Variants in TENM2 observed in about 807,000 individuals in gnomAD.
The protein encoded by TENM2 is teneurin-2.
A neutral mutation model predicts 245.2 loss-of-function variants in TENM2; 52 were observed. That is an observed-to-expected ratio of 0.21 (90% CI 0.17 to 0.27). TENM2 has a LOEUF of 0.27. Among genes scored for constraint, TENM2 ranks in the 10% least tolerant of loss-of-function variants. The pLI is 1.00. For missense variants in TENM2, 3,046 were observed against 3,666.8 expected (o/e 0.83, Z 4.37); for synonymous variants, 1,363 against 1,438.9 (o/e 0.95, Z 1.19).
chr5:167,388,050 T>C (rs1005770863), intron 2 of TENM2, among the ~76,000 whole-genome samples: 13 of 152,008 alleles, frequency 8.6e-5, no homozygotes, highest in Non-Finnish European at 1.8e-4. Flanking sequence ...TATAGGGAGG[T>C]TTCCCTCTTT....
intron 2 of TENM2, among the ~76,000 whole-genome samples, chr5:167,654,838 C>T (rs72821806): frequency 6.6e-6 from 1 of 152,022 alleles, no homozygotes; most frequent in Non-Finnish European, 1.5e-5. Context: ...AATTATACAA[C>T]TCATTATCTA....
upstream of TENM2, among the ~76,000 whole-genome samples, chr5:167,282,351 G>C (rs372864246): frequency 9.6e-4 from 146 of 152,176 alleles, 1 homozygote; most frequent in South Asian, 0.024. Flanking sequence ...TAAGAATTAG[G>C]ATTTATTATT....
the TENM2 span, among the ~76,000 whole-genome samples, chr5:167,269,624 T>C: frequency 6.7e-6 from 1 of 150,032 alleles, no homozygotes; most frequent in African/African-American, 2.5e-5. Flanking sequence ...CCTTTTTGGC[T>C]GGGGGATGGA....
intron 12 of TENM2, among the ~76,000 whole-genome samples, chr5:168,148,004 C>T (rs543636139): frequency 1.1e-4 from 16 of 152,240 alleles, no homozygotes; most frequent in East Asian, 3.9e-4. Flanking sequence ...GTTAGAGATG[C>T]GAGCATTCCA....
intron 1 of TENM2, among the ~76,000 whole-genome samples, chr5:167,358,079 C>T (rs2127255371): frequency 6.6e-6 from 1 of 152,336 alleles, no homozygotes; most frequent in East Asian, 1.9e-4. Flanking sequence ...TCTTTGATTC[C>T]TTCTCGCACA....
chr5:167,799,104 A>C (rs1461640155), intron 2 of TENM2, among the ~76,000 whole-genome samples: 1 of 152,160 alleles, frequency 6.6e-6, no homozygotes, highest in Non-Finnish European at 1.5e-5. Context: ...CTCCTGCTCC[A>C]GGACCCATGC....
At chr5:167,355,242 G>T (rs963775224) in intron 1 of TENM2, among the ~76,000 whole-genome samples, 2 of 152,160 alleles carry the variant, frequency 1.3e-5, no homozygotes, top group African/African-American at 4.8e-5. Context: ...TATTCTTGGG[G>T]AGACTTAAGT....
chr5:167,873,125 T>G (rs1436644930), intron 2 of TENM2, among the ~76,000 whole-genome samples: 1 of 152,268 alleles, frequency 6.6e-6, no homozygotes, highest in East Asian at 1.9e-4. Context: ...TTGGTCAGGA[T>G]TCCTCTGAGT....
intron 2 of TENM2, among the ~76,000 whole-genome samples, chr5:167,708,136 TGTTGA>T (rs1758659393): frequency 6.6e-6 from 1 of 152,140 alleles, no homozygotes; most frequent in Non-Finnish European, 1.5e-5. Context: ...CTGCCTAAGA[TGTTGA>T]GTTAAGAAGA....
chr5:168,158,920 C>CGTATATAT, intron 12 of TENM2, among the ~76,000 whole-genome samples: 1 of 139,706 alleles, frequency 7.2e-6, no homozygotes, highest in South Asian at 2.3e-4. Context: ...TGTATATATA[C>CGTATATAT]ACATATATAT....
chr5:167,335,980 C>A (rs1757727885), intron 1 of TENM2, among the ~76,000 whole-genome samples: 1 of 151,980 alleles, frequency 6.6e-6, no homozygotes, highest in Non-Finnish European at 1.5e-5. Context: ...AATTAAGAAA[C>A]CAAGACTTAA....
intron 2 of TENM2, among the ~76,000 whole-genome samples, chr5:167,485,563 G>C (rs986949181): frequency 1.1e-4 from 16 of 152,140 alleles, no homozygotes; most frequent in Admixed American, 1.3e-4. Flanking sequence ...CATGAGTATG[G>C]AATTTGGGGC....
chr5:167,185,098 T>G, the TENM2 span, among the ~76,000 whole-genome samples: 1 of 152,282 alleles, frequency 6.6e-6, no homozygotes, highest in East Asian at 1.9e-4. Context: ...TATATGTTCA[T>G]ACACACATAT....
the TENM2 span, among the ~76,000 whole-genome samples, chr5:167,163,255 C>G: frequency 6.6e-6 from 1 of 152,114 alleles, no homozygotes; most frequent in Non-Finnish European, 1.5e-5. Flanking sequence ...GCACATGCCA[C>G]CACGCCTGGC....
the TENM2 span, among the ~76,000 whole-genome samples, chr5:167,228,707 A>G: frequency 1.3e-5 from 2 of 148,748 alleles, no homozygotes; most frequent in East Asian, 4.0e-4. Flanking sequence ...ACTTCTTCCA[A>G]TTTTTTTTTA....
intron 2 of TENM2, among the ~76,000 whole-genome samples, chr5:167,786,671 C>T (rs560060624): frequency 6.6e-6 from 1 of 152,278 alleles, no homozygotes; most frequent in South Asian, 2.1e-4. Flanking sequence ...AGATTGAGAC[C>T]TTGGTCCAAA....
chr5:167,362,926 G>A (rs1339119090), intron 1 of TENM2, among the ~76,000 whole-genome samples: 1 of 151,956 alleles, frequency 6.6e-6, no homozygotes, highest in East Asian at 1.9e-4. Context: ...TTATTGGTGT[G>A]TGTGTGTTTG....
intron 26 of TENM2, among the ~76,000 whole-genome samples, chr5:168,245,572 TAA>T (rs35630506): frequency 0.014 from 1,675 of 119,998 alleles, 18 homozygotes; most frequent in African/African-American, 0.042. Flanking sequence ...GGAGTGGCGG[TAA>T]AAAAAAAAAA....
At chr5:167,885,760 T>A (rs558933155) in intron 3 of TENM2, among the ~76,000 whole-genome samples, 1 of 152,346 alleles carries the variant, frequency 6.6e-6, no homozygotes, top group South Asian at 2.1e-4. Flanking sequence ...CTTGGCTCAC[T>A]GCAACCTCCG....
Sources: allele counts gnomAD v4.1 joint callset (sites outside exome capture counted in the v4.1 genomes callset), GRCh38; gene constraint gnomAD v4.1.1; transcripts MANE v1.5; gene names NCBI Gene and HGNC (gene_info 2026-07-23, HGNC 2026-07-21).